SMAP1: variants seen among roughly 807,000 people sequenced by gnomAD.
The protein encoded by SMAP1 is small ArfGAP 1.
A neutral mutation model predicts 58.5 loss-of-function variants in SMAP1; 24 were observed. That is an observed-to-expected ratio of 0.41 (90% confidence interval 0.30 to 0.58). SMAP1 has a LOEUF of 0.58. Among genes scored for constraint, SMAP1 ranks in the 20% least tolerant of loss-of-function variants. The pLI is 0.29. For missense variants in SMAP1, 563 were observed against 566.3 expected, an observed-to-expected ratio of 0.99 and a Z score of 0.06; for synonymous variants, 216 against 196.6, an observed-to-expected ratio of 1.10 and a Z score of -0.82.
At chr6:70,784,070 C>G (rs1357067371) in intron 4 of SMAP1, among the ~76,000 whole-genome samples, 1 of 152,234 alleles carries the variant, frequency 6.6e-6, no homozygotes, top group East Asian at 1.9e-4. Context: ...GGGTTACCCA[C>G]AAAGGGAAGC....
intron 1 of SMAP1, among the ~76,000 whole-genome samples, chr6:70,684,891 T>G (rs1766870724): frequency 6.6e-6 from 1 of 152,176 alleles, no homozygotes; most frequent in Non-Finnish European, 1.5e-5. Context: ...CACTGCTCTG[T>G]TTTGAAGGCT....
intron 4 of SMAP1, among the ~76,000 whole-genome samples, chr6:70,783,599 G>T (rs556215808): frequency 6.6e-6 from 1 of 152,182 alleles, no homozygotes; most frequent in Non-Finnish European, 1.5e-5. Context: ...ATGCAGAGAA[G>T]TGCTTAAAGG....
chr6:70,783,180 C>G (rs1215693734), intron 4 of SMAP1, among the ~76,000 whole-genome samples: 2 of 152,136 alleles, frequency 1.3e-5, no homozygotes, highest in Admixed American at 1.3e-4. Flanking sequence ...CTGCTAATAC[C>G]CAGGCAAACA....
At chr6:70,711,628 A>G (rs976353183) in intron 1 of SMAP1, among the ~76,000 whole-genome samples, 4 of 151,618 alleles carry the variant, frequency 2.6e-5, no homozygotes, top group African/African-American at 9.7e-5. Context: ...CCCAGGTTCA[A>G]GCGATTCTTC....
intron 1 of SMAP1, 30 bp downstream of exon 1, chr6:70,668,171 C>A: frequency 6.4e-7 from 1 of 1,571,594 alleles, no homozygotes; most frequent in South Asian, 1.1e-5. Context: ...TGCCCACGGT[C>A]GGGGCCTCTT....
intron 1 of SMAP1, among the ~76,000 whole-genome samples, chr6:70,699,787 C>T (rs1767551593): frequency 6.6e-6 from 1 of 151,930 alleles, no homozygotes; most frequent in African/African-American, 2.4e-5. Flanking sequence ...GGGTCTCTCC[C>T]TTCAAGGCAG....
chr6:70,834,439 A>G (rs1770487759), intron 6 of SMAP1, among the ~76,000 whole-genome samples: 1 of 151,358 alleles, frequency 6.6e-6, no homozygotes, highest in African/African-American at 2.4e-5. Flanking sequence ...CTGTATTCCT[A>G]TTTGGCACAT....
rs961412891 is a variant in SMAP1 at position 70,860,500 on chromosome 6, T to C, written c.*166T>C. On this transcript the variant is annotated 3_prime_UTR_variant, in exon 11 of 11. Coordinates refer to ENST00000370455, the MANE Select transcript of SMAP1 (RefSeq NM_001044305.3). ...TGGTCTGTACTGATTCAATTTGATG[T>C]GGTGAAAAGCAGGTTGATAAATCAT... 3.7e-5 allele frequency: 25 copies of C among 675,638 alleles called. No homozygotes were observed. Among genetic ancestry groups the C allele is most frequent in the South Asian group, 2.8e-4 (5 of 17,860 alleles). 41.9% of individuals were successfully genotyped at this position (675,638 alleles called of 1,614,324 possible).
chr6:70,805,797 A>G (rs912159383), intron 6 of SMAP1, among the ~76,000 whole-genome samples: 1 of 152,158 alleles, frequency 6.6e-6, no homozygotes, highest in Non-Finnish European at 1.5e-5. Flanking sequence ...CTGGAGGTCT[A>G]CTGTGGACGC....
intron 3 of SMAP1, among the ~76,000 whole-genome samples, chr6:70,768,397 G>T (rs1368067129): frequency 6.6e-6 from 1 of 152,170 alleles, no homozygotes; most frequent in East Asian, 1.9e-4. Flanking sequence ...TTTTTGGTTG[G>T]TAAGCTATTG....
intron 1 of SMAP1, among the ~76,000 whole-genome samples, chr6:70,731,741 T>G (rs562479199): frequency 6.6e-6 from 1 of 152,368 alleles, no homozygotes; most frequent in South Asian, 2.1e-4. Flanking sequence ...CAACGCTTTT[T>G]GAAGCAGTCC....
chr6:70,843,931 T>C (rs1374963988), intron 7 of SMAP1, among the ~76,000 whole-genome samples: 4 of 152,108 alleles, frequency 2.6e-5, no homozygotes. Flanking sequence ...TGAAGGAATG[T>C]GTGGAGAAGG....
intron 5 of SMAP1, among the ~76,000 whole-genome samples, chr6:70,795,982 G>T (rs1302636977): frequency 6.6e-6 from 1 of 152,062 alleles, no homozygotes; most frequent in African/African-American, 2.4e-5. Flanking sequence ...GCCTGCCTCG[G>T]CCTCCCGAAG....
At chr6:70,829,924 G>T (rs1013312094) in intron 6 of SMAP1, among the ~76,000 whole-genome samples, 7 of 152,200 alleles carry the variant, frequency 4.6e-5, no homozygotes, top group African/African-American at 1.4e-4. Context: ...GGTGGTAAAT[G>T]TAGGAGTTGG....
intron 1 of SMAP1, among the ~76,000 whole-genome samples, chr6:70,676,833 G>C (rs1317351954): frequency 6.6e-6 from 1 of 151,896 alleles, no homozygotes; most frequent in African/African-American, 2.4e-5. Flanking sequence ...CCCAGGCTGG[G>C]GTGCAGTGGC....
intron 4 of SMAP1, among the ~76,000 whole-genome samples, chr6:70,782,257 G>A (rs1767794243): frequency 6.6e-6 from 1 of 152,190 alleles, no homozygotes; most frequent in Non-Finnish European, 1.5e-5. Flanking sequence ...TGGGATTTCA[G>A]TAAAGTATGT....
At chr6:70,693,323 A>T (rs1490751365) in intron 1 of SMAP1, among the ~76,000 whole-genome samples, 9 of 105,556 alleles carry the variant, frequency 8.5e-5, no homozygotes, top group African/African-American at 2.9e-4. Flanking sequence ...TTTTTTTTTT[A>T]AGACAGAGTC....
chr6:70,800,791 T>C (rs1389780541), intron 6 of SMAP1, among the ~76,000 whole-genome samples: 1 of 152,058 alleles, frequency 6.6e-6, no homozygotes, highest in Admixed American at 6.6e-5. Flanking sequence ...CTTGTGATAG[T>C]TTGCTGAGAA....
chr6:70,859,006 C>T (rs1771570869), intron 10 of SMAP1: 1 of 189,908 alleles, frequency 5.3e-6, no homozygotes, highest in South Asian at 1.3e-4. Context: ...TGCTCCCACT[C>T]TTCTTCCTTT....
Sources: gnomAD v4.1 joint callset for allele counts (sites outside exome capture counted in the v4.1 genomes callset) on GRCh38, gnomAD v4.1.1 for gene constraint, MANE v1.5 for transcripts, NCBI Gene and HGNC (gene_info 2026-07-23, HGNC 2026-07-21) for gene names.